The following ARHGAP24 variants were observed in gnomAD, a reference collection of about 807,000 sequenced individuals.
The protein encoded by ARHGAP24 is rho GTPase-activating protein 24.
In ARHGAP24, 50 loss-of-function variants were observed where a neutral mutation model predicts 76.4. The observed-to-expected ratio is 0.65, with a 90% CI of 0.52 to 0.83. ARHGAP24 has a LOEUF of 0.83. Ranked by LOEUF, ARHGAP24 falls within the 40% of genes least tolerant of loss-of-function variation. The pLI is 0.00. For synonymous variants in ARHGAP24, 345 were observed against 323.3 expected (o/e 1.07, Z -0.72); for missense variants, 930 against 914.2 (o/e 1.02, Z -0.22).
In ARHGAP24 at chr4:85,570,549, A is replaced by G. The variant is rs150698221; in HGVS notation, c.8A>G (p.Glu3Gly). The change falls in exon 2 of 10, where the codon GAG becomes GGG. Residue 3 changes from glutamate (E) to glycine (G), a missense_variant. Transcript: ENST00000395184. ...AAGTCCATCAGCTTGATAATGGAGG[A>G]GAACAATGACTCCACGGAGAACCCC... is the stretch of plus-strand genomic sequence containing the variant. Reference protein sequence around the residue: MEENNDSTENPQQ... With the variant: MEGNNDSTENPQQ... The G allele has an allele frequency of 1.6e-4, 252 of 1,613,770 alleles. No homozygotes were observed. The highest frequency in any genetic ancestry group is 2.0e-4 in the Non-Finnish European group (234 of 1,179,990).
rs192202728 is a variant in ARHGAP24, at chr4:85,491,211, G to A, written c.-21+15652G>A. Among the ~76,000 whole-genome samples, 624 of 152,180 alleles carry A rather than the reference G, an allele frequency of 4.1e-3. 4 individuals are homozygous for A. The highest frequency in any genetic ancestry group is 0.014 in the African/African-American group (601 of 41,522). On this transcript the variant is annotated intron_variant, in intron 1 of 9. Coordinates refer to ENST00000395184, the MANE Select transcript of ARHGAP24 (RefSeq NM_001025616.3). ...CATAAAAATAATGTAATTTTAAGTTGATAACTTTTTCATAATTAATGATTG... is the reference window on the plus strand; with the variant it reads ...CATAAAAATAATGTAATTTTAAGTTAATAACTTTTTCATAATTAATGATTG...
intron 2 of ARHGAP24, among the ~76,000 whole-genome samples, chr4:85,619,788 G>A (rs972173469): frequency 6.6e-6 from 1 of 151,518 alleles, no homozygotes; most frequent in African/African-American, 2.4e-5. Flanking sequence ...ATTGATTTTT[G>A]TATGTTGATT....
intron 3 of ARHGAP24, among the ~76,000 whole-genome samples, chr4:85,786,167 T>C (rs1727833307): frequency 6.6e-6 from 1 of 151,702 alleles, no homozygotes; most frequent in Non-Finnish European, 1.5e-5. Flanking sequence ...ACCAAAACTG[T>C]CCAAACTAAG....
chr4:85,607,897 C>T (rs1449104877), intron 2 of ARHGAP24, among the ~76,000 whole-genome samples: 1 of 151,578 alleles, frequency 6.6e-6, no homozygotes, highest in Non-Finnish European at 1.5e-5. Context: ...GTGCATGATG[C>T]CTGGTGCTGG....
chr4:85,874,638 G>A (rs1435027627), intron 3 of ARHGAP24, among the ~76,000 whole-genome samples: 2 of 150,984 alleles, frequency 1.3e-5, no homozygotes, highest in Non-Finnish European at 1.5e-5. Flanking sequence ...CCTGTTTAAC[G>A]ATTACAAGGT....
intron 2 of ARHGAP24, among the ~76,000 whole-genome samples, chr4:85,601,557 G>A (rs1344495788): frequency 6.6e-6 from 1 of 152,094 alleles, no homozygotes; most frequent in Non-Finnish European, 1.5e-5. Flanking sequence ...GCAACCCCCA[G>A]TTGTAACAAC....
At chr4:85,925,945 A>T (rs1338057482) in intron 4 of ARHGAP24, among the ~76,000 whole-genome samples, 1 of 152,162 alleles carries the variant, frequency 6.6e-6, no homozygotes, top group East Asian at 1.9e-4. Flanking sequence ...AGTTCAGAAG[A>T]ATCTTTAATA....
intron 5 of ARHGAP24, among the ~76,000 whole-genome samples, chr4:85,952,396 C>A (rs937781236): frequency 6.6e-6 from 1 of 152,216 alleles, no homozygotes; most frequent in Non-Finnish European, 1.5e-5. Flanking sequence ...TATCTGTCCT[C>A]AGCTGAAGAG....
intron 1 of ARHGAP24, among the ~76,000 whole-genome samples, chr4:85,540,318 CCCAGAGG>C (rs1422782587): frequency 6.6e-6 from 1 of 151,784 alleles, no homozygotes; most frequent in Non-Finnish European, 1.5e-5. Flanking sequence ...AGGAAGAATA[CCCAGAGG>C]CCTATTTTAA....
intron 3 of ARHGAP24, among the ~76,000 whole-genome samples, chr4:85,800,987 G>A (rs894906080): frequency 4.6e-5 from 7 of 151,960 alleles, no homozygotes; most frequent in South Asian, 2.1e-4. Flanking sequence ...AACACAAAAC[G>A]TTTTTAGTTA....
intron 1 of ARHGAP24, among the ~76,000 whole-genome samples, chr4:85,528,880 G>A (rs1725131803): frequency 6.6e-6 from 1 of 152,006 alleles, no homozygotes. Context: ...CAAAGATAGA[G>A]GTCAGTGTTG....
chr4:85,953,557 GA>G (rs1305579042), intron 5 of ARHGAP24, among the ~76,000 whole-genome samples: 13 of 152,074 alleles, frequency 8.5e-5, no homozygotes, highest in African/African-American at 3.1e-4. Flanking sequence ...TTAAGATTCA[GA>G]AACCCAGACC....
At chr4:85,801,518 T>G (rs953289795) in intron 3 of ARHGAP24, among the ~76,000 whole-genome samples, 4 of 152,244 alleles carry the variant, frequency 2.6e-5, no homozygotes, top group Non-Finnish European at 5.9e-5. Flanking sequence ...AAAATTGAAA[T>G]ATGTATATTT....
At chr4:85,589,771 G>T (rs1728009706) in intron 2 of ARHGAP24, among the ~76,000 whole-genome samples, 1 of 152,146 alleles carries the variant, frequency 6.6e-6, no homozygotes, top group African/African-American at 2.4e-5. Context: ...TAATAAATAT[G>T]TGCAGTACAT....
intron 2 of ARHGAP24, among the ~76,000 whole-genome samples, chr4:85,679,529 T>C (rs1387091007): frequency 6.6e-6 from 1 of 152,206 alleles, no homozygotes; most frequent in East Asian, 1.9e-4. Context: ...GTTAAGATAA[T>C]GTCCCTGGTC....
intron 3 of ARHGAP24, among the ~76,000 whole-genome samples, chr4:85,848,731 A>T (rs2869406): frequency 6.6e-6 from 1 of 151,924 alleles, no homozygotes; most frequent in East Asian, 1.9e-4. Flanking sequence ...TGTTTTTGTC[A>T]GCTTTGTCAA....
At chr4:85,501,218 A>C (rs1051622299) in intron 1 of ARHGAP24, among the ~76,000 whole-genome samples, 1 of 152,220 alleles carries the variant, frequency 6.6e-6, no homozygotes, top group Non-Finnish European at 1.5e-5. Flanking sequence ...AGCATGATTT[A>C]TAATCCTTTG....
chr4:85,626,781 AT>A (rs1272648423), intron 2 of ARHGAP24, among the ~76,000 whole-genome samples: 2 of 151,842 alleles, frequency 1.3e-5, no homozygotes, highest in East Asian at 3.9e-4. Context: ...GTTTCTTTTT[AT>A]TCTTTTTTCT....
At chr4:85,989,879 C>A (rs1165496581) in intron 8 of ARHGAP24, 1 of 151,622 alleles carries the variant, frequency 6.6e-6, no homozygotes, top group Non-Finnish European at 1.5e-5. Flanking sequence ...TGGTAAAAGA[C>A]CAAATGCTTT....
Sources: gnomAD v4.1 joint callset for allele counts (sites outside exome capture counted in the v4.1 genomes callset) on GRCh38, gnomAD v4.1.1 for gene constraint, MANE v1.5 for transcripts, NCBI Gene and HGNC (gene_info 2026-07-23, HGNC 2026-07-21) for gene names.